Variants in HRH1 observed in about 807,000 individuals in gnomAD.
The protein encoded by HRH1 is histamine H1 receptor.
A neutral mutation model predicts 10.3 loss-of-function variants in HRH1; 6 were observed. The ratio of observed to expected loss-of-function variants is 0.58; its 90% CI spans 0.32 to 1.15. The LOEUF is 1.15. Among genes scored for constraint, HRH1 ranks in the 50% most tolerant of loss-of-function variants. The probability of loss-of-function intolerance (pLI) is 0.05; values close to 1 mark genes in which losing one functional copy is unlikely to be tolerated. For synonymous variants in HRH1, 242 were observed against 236.7 expected, an observed-to-expected ratio of 1.02 and a Z score of -0.21; for missense variants, 514 against 615.3, an observed-to-expected ratio of 0.84 and a Z score of 1.74.
intron 1 of HRH1, among the ~76,000 whole-genome samples, chr3:11,162,642 G>A (rs1376480447): frequency 1.3e-5 from 2 of 151,978 alleles, no homozygotes; most frequent in Non-Finnish European, 2.9e-5. Context: ...TAACTGGGGA[G>A]ACCAGTAACA....
chr3:11,199,930 C>T (rs2125026682), intron 1 of HRH1, among the ~76,000 whole-genome samples: 2 of 152,328 alleles, frequency 1.3e-5, no homozygotes, highest in African/African-American at 4.8e-5. Flanking sequence ...AAGGTGACCC[C>T]ATTCTCAGCT....
At chr3:11,144,320 A>C (rs550174781) in intron 1 of HRH1, among the ~76,000 whole-genome samples, 76 of 110,812 alleles carry the variant, frequency 6.9e-4, no homozygotes, top group African/African-American at 3.3e-3. Flanking sequence ...TCAATGGAAA[A>C]TTGGTCTAAA....
intron 1 of HRH1, among the ~76,000 whole-genome samples, chr3:11,256,333 T>C (rs1452103077): frequency 6.6e-6 from 1 of 152,188 alleles, no homozygotes; most frequent in African/African-American, 2.4e-5. Context: ...CCTACCCATT[T>C]GACACATGAG....
intron 1 of HRH1, among the ~76,000 whole-genome samples, chr3:11,209,318 C>T (rs1938246916): frequency 1.3e-5 from 2 of 152,198 alleles, no homozygotes; most frequent in Admixed American, 1.3e-4. Context: ...TCTTGAACTC[C>T]TGGCCTCAAG....
chr3:11,202,882 TA>T (rs1293786048), intron 1 of HRH1, among the ~76,000 whole-genome samples: 6 of 152,322 alleles, frequency 3.9e-5, no homozygotes, highest in African/African-American at 1.4e-4. Flanking sequence ...TTTACTCTCC[TA>T]AAAATCATCT....
chr3:11,161,077 A>T (rs1056543978), intron 1 of HRH1, among the ~76,000 whole-genome samples: 1 of 151,774 alleles, frequency 6.6e-6, no homozygotes. Flanking sequence ...AACCCAAGAG[A>T]AGGGAATAAA....
intron 1 of HRH1, among the ~76,000 whole-genome samples, chr3:11,139,559 C>T (rs941716816): frequency 6.6e-6 from 1 of 152,090 alleles, no homozygotes; most frequent in East Asian, 1.9e-4. Context: ...GGATTTCAGG[C>T]GTGAGCCACC....
At chr3:11,254,536 G>C (rs1939736068) in intron 1 of HRH1, among the ~76,000 whole-genome samples, 1 of 152,162 alleles carries the variant, frequency 6.6e-6, no homozygotes, top group Non-Finnish European at 1.5e-5. Flanking sequence ...GAGTTACCTG[G>C]TCGCCACAGT....
chr3:11,170,204 C>T (rs1937126048), intron 1 of HRH1, among the ~76,000 whole-genome samples: 1 of 152,174 alleles, frequency 6.6e-6, no homozygotes, highest in Non-Finnish European at 1.5e-5. Context: ...ATGAGTTAGC[C>T]CAGGCCAAGC....
At chr3:11,164,057 T>TTGAA (rs60430122) in intron 1 of HRH1, among the ~76,000 whole-genome samples, 8,517 of 152,090 alleles carry the variant, frequency 0.056, 385 homozygotes, top group African/African-American at 0.12. Context: ...GAGATACTTG[T>TTGAA]TGAATGAATG....
chr3:11,203,805 C>G (rs1234548042), intron 1 of HRH1, among the ~76,000 whole-genome samples: 1 of 152,188 alleles, frequency 6.6e-6, no homozygotes. Flanking sequence ...TCTTCTCCCT[C>G]AATATTGTGT....
chr3:11,237,013 T>A lies in HRH1; in HGVS notation c.-35-21990T>A, dbSNP rs73814586. ...TTCCTCAAGAAGAGAACAGCCTGAA[T>A]GACTTTGGTCTTTGAAAGTGTATTT... On this transcript the variant is annotated intron_variant, in intron 1 of 1. Transcript: ENST00000431010. Among the ~76,000 whole-genome samples, 761 of 152,360 alleles carry A rather than the reference T, an allele frequency of 5.0e-3. 8 individuals are homozygous for A. Among genetic ancestry groups the A allele is most frequent in the African/African-American group, 0.017 (722 of 41,586 alleles).
intron 1 of HRH1, among the ~76,000 whole-genome samples, chr3:11,164,944 A>C (rs1937001183): frequency 6.6e-6 from 1 of 152,210 alleles, no homozygotes; most frequent in Non-Finnish European, 1.5e-5. Flanking sequence ...GTAAAACAGG[A>C]GTTGGAGTCT....
chr3:11,146,217 G>A (rs902585100), intron 1 of HRH1, among the ~76,000 whole-genome samples: 2 of 152,140 alleles, frequency 1.3e-5, no homozygotes, highest in Non-Finnish European at 2.9e-5. Flanking sequence ...TTGACAACTT[G>A]ATGTTGTCAG....
In HRH1 at chr3:11,183,300, A is replaced by T. The variant is rs552823645; in HGVS notation, c.-36+28746A>T. 2.6e-5 allele frequency among the ~76,000 whole-genome samples: 4 copies of T among 152,264 alleles called. No homozygotes were observed. The East Asian group carries it at 7.7e-4, about 29-fold the overall frequency. On this transcript the variant is annotated intron_variant, in intron 1 of 1. Coordinates refer to ENST00000431010, the MANE Select transcript of HRH1 (RefSeq NM_001098212.2). ...TCCTCACGGCGGCAGGGTCAGGTGG[A>T]GGTGTCCTTTGGCAGGAAACCTCAG...
chr3:11,258,627 A>G (rs1939848153), intron 1 of HRH1, among the ~76,000 whole-genome samples: 1 of 152,172 alleles, frequency 6.6e-6, no homozygotes, highest in Non-Finnish European at 1.5e-5. Context: ...CTGGATTGCT[A>G]TATTCTGCTT....
At chr3:11,213,959 T>G (rs893609996) in intron 1 of HRH1, among the ~76,000 whole-genome samples, 6 of 152,082 alleles carry the variant, frequency 3.9e-5, no homozygotes, top group African/African-American at 1.4e-4. Flanking sequence ...GTGGTTGGAA[T>G]GAGGGAAGGC....
chr3:11,231,268 C>T (rs954806395), intron 1 of HRH1, among the ~76,000 whole-genome samples: 4 of 152,160 alleles, frequency 2.6e-5, no homozygotes, highest in Non-Finnish European at 5.9e-5. Flanking sequence ...CAGCATTGAG[C>T]TATTATGAAT....
chr3:11,186,396 C>T (rs1574996046), intron 1 of HRH1, among the ~76,000 whole-genome samples: 1 of 152,184 alleles, frequency 6.6e-6, no homozygotes, highest in South Asian at 2.1e-4. Flanking sequence ...ACCATTGCAC[C>T]TTTGCCCAGT....
Sources: allele counts gnomAD v4.1 joint callset (sites outside exome capture counted in the v4.1 genomes callset), GRCh38; gene constraint gnomAD v4.1.1; transcripts MANE v1.5; gene names NCBI Gene and HGNC (gene_info 2026-07-23, HGNC 2026-07-21).